Variants in PLBD1 observed in about 807,000 individuals in gnomAD.
PLBD1 encodes the protein lysosomal leucine aminopeptidase.
In PLBD1, 60 loss-of-function variants were observed where a neutral mutation model predicts 63.0. The ratio of observed to expected loss-of-function variants is 0.95; its 90% CI spans 0.77 to 1.18. PLBD1 has a LOEUF of 1.18. Ranked by LOEUF, PLBD1 falls within the 50% of genes most tolerant of loss-of-function variation. The probability of loss-of-function intolerance (pLI) is 0.00; values close to 1 mark genes in which losing one functional copy is unlikely to be tolerated. For missense variants in PLBD1, 598 were observed against 677.9 expected, an observed-to-expected ratio of 0.88 and a Z score of 1.31; for synonymous variants, 262 against 248.0, an observed-to-expected ratio of 1.06 and a Z score of -0.53.
intron 6 of PLBD1, among the ~76,000 whole-genome samples, chr12:14,527,381 T>C: frequency 6.6e-6 from 1 of 152,180 alleles, no homozygotes; most frequent in Non-Finnish European, 1.5e-5. Context: ...TTTGAATCTG[T>C]TACTAGTACC....
chr12:14,564,330 C>A (rs1479762683), intron 1 of PLBD1, among the ~76,000 whole-genome samples: 2 of 152,098 alleles, frequency 1.3e-5, no homozygotes, highest in African/African-American at 4.8e-5. Flanking sequence ...TTTTTGACAA[C>A]CAGATAAAGG....
chr12:14,539,380 C>A (rs1945547154), intron 4 of PLBD1, among the ~76,000 whole-genome samples: 1 of 151,886 alleles, frequency 6.6e-6, no homozygotes, highest in South Asian at 2.1e-4. Flanking sequence ...TTGTATAGCT[C>A]ATTACCTGCC....
intron 10 of PLBD1, among the ~76,000 whole-genome samples, chr12:14,505,593 T>G (rs1411940967): frequency 6.6e-6 from 1 of 152,222 alleles, no homozygotes; most frequent in Non-Finnish European, 1.5e-5. Flanking sequence ...TAAGCTGGCT[T>G]TAGCACACCA....
At chr12:14,511,167 C>G (rs529551905) in intron 8 of PLBD1, 93 bp downstream of exon 8, 1 of 1,214,822 alleles carries the variant, frequency 8.2e-7, no homozygotes, top group East Asian at 2.6e-5. Flanking sequence ...CATACCCTCC[C>G]CCACCACACA....
intron 2 of PLBD1, among the ~76,000 whole-genome samples, chr12:14,552,386 G>A (rs1454119386): frequency 6.6e-6 from 1 of 152,166 alleles, no homozygotes; most frequent in Non-Finnish European, 1.5e-5. Context: ...AGTAATGGTA[G>A]AACTAGAAGA....
intron 6 of PLBD1, among the ~76,000 whole-genome samples, chr12:14,515,796 C>T (rs1164236927): frequency 6.6e-6 from 1 of 152,096 alleles, no homozygotes; most frequent in Non-Finnish European, 1.5e-5. Flanking sequence ...TGCCTGTAAT[C>T]CCAGCACTTT....
intron 6 of PLBD1, among the ~76,000 whole-genome samples, chr12:14,528,633 A>C (rs1052167719): frequency 6.6e-6 from 1 of 152,164 alleles, no homozygotes; most frequent in African/African-American, 2.4e-5. Flanking sequence ...TATGATAGAA[A>C]GATCAAAATC....
In PLBD1 at chr12:14,511,501, G is replaced by T; in HGVS notation, c.1045+10C>A. The T allele has an allele frequency of 6.2e-7, 1 of 1,614,066 alleles. No individual in the cohort carries two copies. Among genetic ancestry groups the T allele is most frequent in the Non-Finnish European group, 8.5e-7 (1 of 1,179,996 alleles). On this transcript the variant is annotated intron_variant, in intron 7 of 10. Coordinates refer to ENST00000240617, the MANE Select transcript of PLBD1 (RefSeq NM_024829.6). Reference sequence around the variant, plus strand: ...TCTGTGCCTAACAGTTATTCTGCAGGGTCACTTACCAGAGTTGTATTTTGA... The same window carrying T: ...TCTGTGCCTAACAGTTATTCTGCAGTGTCACTTACCAGAGTTGTATTTTGA...
chr12:14,532,244 AT>A (rs1233225725), intron 6 of PLBD1, among the ~76,000 whole-genome samples: 2 of 152,042 alleles, frequency 1.3e-5, no homozygotes, highest in East Asian at 3.9e-4. Context: ...GCAGCAAAAG[AT>A]TTGCTGCAAA....
At chr12:14,526,425 G>C (rs1945415926) in intron 6 of PLBD1, among the ~76,000 whole-genome samples, 1 of 152,082 alleles carries the variant, frequency 6.6e-6, no homozygotes, top group Admixed American at 6.6e-5. Context: ...AGAAAGACTT[G>C]GTAATGATGG....
chr12:14,536,471 A>T lies in PLBD1; in HGVS notation c.699+99T>A. ...TTGAAGAACTCATGAGCTGATATACAGTTATAGCCAGGGGTGATGAGATGT... is the reference window on the plus strand; with the variant it reads ...TTGAAGAACTCATGAGCTGATATACTGTTATAGCCAGGGGTGATGAGATGT... On this transcript the variant is annotated intron_variant, in intron 5 of 10. Transcript: ENST00000240617. The T allele has an allele frequency of 4.6e-6, 6 of 1,318,152 alleles. 1 individual carries two copies. In the South Asian group the frequency reaches 8.5e-5, roughly 19 times the overall value. 81.7% of individuals were successfully genotyped at this position (1,318,152 alleles called of 1,614,324 possible). A position where few individuals can be genotyped will look rare whatever the true frequency, so the allele number is the denominator to read the frequency against.
intron 1 of PLBD1, among the ~76,000 whole-genome samples, chr12:14,562,910 T>C (rs1945752543): frequency 6.6e-6 from 1 of 152,156 alleles, no homozygotes; most frequent in Non-Finnish European, 1.5e-5. Context: ...TAAAGAAGTA[T>C]GAAAACAAAA....
At chr12:14,516,350 A>G (rs1384597403) in intron 6 of PLBD1, among the ~76,000 whole-genome samples, 1 of 152,038 alleles carries the variant, frequency 6.6e-6, no homozygotes. Flanking sequence ...AAAACAAACA[A>G]ACAACAACAA....
intron 6 of PLBD1, among the ~76,000 whole-genome samples, chr12:14,522,488 G>A (rs2136912083): frequency 6.6e-6 from 1 of 152,086 alleles, no homozygotes; most frequent in East Asian, 1.9e-4. Context: ...GAAGAGGAGG[G>A]AATACTTCCA....
chr12:14,503,972 G>A lies in PLBD1; in HGVS notation c.1480-18C>T. 6.3e-7 allele frequency: 1 copy of A among 1,583,058 alleles called. No individual in the cohort carries two copies. Among genetic ancestry groups the A allele is most frequent in the Non-Finnish European group, 8.6e-7 (1 of 1,161,102 alleles). ...TCTGCCACCTGGAAAGAGGGAGGAG[G>A]AGGACATTTTAGAAAATCATCGTTC... is the stretch of plus-strand genomic sequence containing the variant. On this transcript the variant is annotated intron_variant, in intron 10 of 10. Transcript: ENST00000240617.
At chr12:14,518,072 T>C (rs1945348535) in intron 6 of PLBD1, among the ~76,000 whole-genome samples, 1 of 152,046 alleles carries the variant, frequency 6.6e-6, no homozygotes, top group Non-Finnish European at 1.5e-5. Flanking sequence ...TCCCAGCTAC[T>C]TGGAAGGCTG....
chr12:14,567,620 G>GCA lies in PLBD1; in HGVS notation c.76_77insTG (p.Pro26LeufsTer5), dbSNP rs1565583636. 4.9e-5 allele frequency: 72 copies of GCA among 1,478,774 alleles called. 1 individual carries two copies. Among genetic ancestry groups the GCA allele is most frequent in the East Asian group, 1.1e-4 (4 of 35,176 alleles). 91.6% of individuals were successfully genotyped at this position (1,478,774 alleles called of 1,614,324 possible). On this transcript the variant is annotated frameshift_variant, in exon 1 of 11. Transcript: ENST00000240617. LOFTEE classifies it high-confidence loss of function. ...CGGCTCCGCGGTGACTAACAACAGCGGCAGCAGCAGCAGCAGCAGCAGAAG... is the reference window on the plus strand; with the variant it reads ...CGGCTCCGCGGTGACTAACAACAGCGCAGCAGCAGCAGCAGCAGCAGCAGAAG...
rs11056017 is a variant in PLBD1 at position 14,539,134 on chromosome 12, A to G, written c.558+1630T>C. 1.5e-3 allele frequency among the ~76,000 whole-genome samples: 236 copies of G among 152,304 alleles called. 3 individuals carry two copies. The South Asian group carries it at 0.021, about 13-fold the overall frequency. ...GTATCCCATTGTAATTGATATTTGC[A>G]TTTCTTTTGTTATACTGTATAATAC... On this transcript the variant is annotated intron_variant, in intron 4 of 10. Transcript: ENST00000240617.
At chr12:14,519,060 A>AAG (rs1697189429) in intron 6 of PLBD1, among the ~76,000 whole-genome samples, 1 of 152,230 alleles carries the variant, frequency 6.6e-6, no homozygotes, top group South Asian at 2.1e-4. Context: ...CAATGATCTG[A>AAG]AGATACTAGG....
Sources: allele counts gnomAD v4.1 joint callset (sites outside exome capture counted in the v4.1 genomes callset), GRCh38; gene constraint gnomAD v4.1.1; transcripts MANE v1.5; gene names NCBI Gene and HGNC (gene_info 2026-07-23, HGNC 2026-07-21).